Variants in DSCAML1 observed in about 807,000 individuals in gnomAD.
The protein encoded by DSCAML1 is cell adhesion molecule DSCAML1.
Under a neutral mutation model 200.5 loss-of-function variants are expected in DSCAML1, and 38 were observed. The observed-to-expected ratio is 0.19, with a 90% confidence interval of 0.15 to 0.25. The LOEUF is 0.25. Ranked by LOEUF, DSCAML1 falls within the 10% of genes least tolerant of loss-of-function variation. The probability of loss-of-function intolerance (pLI) is 1.00; values close to 1 mark genes in which losing one functional copy is unlikely to be tolerated. For synonymous variants in DSCAML1, 1,215 were observed against 1,165.0 expected, an observed-to-expected ratio of 1.04 and a Z score of -0.87; for missense variants, 2,223 against 2,858.8, an observed-to-expected ratio of 0.78 and a Z score of 5.07.
Position 117,489,244 on chromosome 11 carries a change from C to T in DSCAML1, c.2360-7082G>A, listed in dbSNP as rs984235647. On this transcript the variant is annotated intron_variant, in intron 11 of 32. Coordinates refer to ENST00000651296, the MANE Select transcript of DSCAML1 (RefSeq NM_020693.4). This position sits in a 1 kb window ranked among gnomAD's most constrained non-coding sequence, Gnocchi z 4.8. ...CTGCAGCAGGTACTCCTGGGGCAGGCAGTGGGGACTGCTGCTTTAGGGGTG... is the reference window on the plus strand; with the variant it reads ...CTGCAGCAGGTACTCCTGGGGCAGGTAGTGGGGACTGCTGCTTTAGGGGTG... 6.6e-6 allele frequency among the ~76,000 whole-genome samples: 1 copy of T among 152,176 alleles called. No individual in the cohort carries two copies. Among genetic ancestry groups the T allele is most frequent in the Non-Finnish European group, 1.5e-5 (1 of 68,028 alleles).
intron 3 of DSCAML1, among the ~76,000 whole-genome samples, chr11:117,534,171 C>G (rs1466242108): frequency 1.3e-5 from 2 of 152,216 alleles, no homozygotes; most frequent in Non-Finnish European, 2.9e-5. Context: ...GAGAGCTCTG[C>G]TCTTGTGAGG....
At chr11:117,750,021 C>T (rs1170897907) in intron 3 of DSCAML1, among the ~76,000 whole-genome samples, 2 of 152,252 alleles carry the variant, frequency 1.3e-5, no homozygotes, top group African/African-American at 2.4e-5. Context: ...ATGAAAGGCA[C>T]TGAGAAGGGT....
chr11:117,486,205 A>G (rs2049046656), intron 11 of DSCAML1, among the ~76,000 whole-genome samples: 1 of 151,938 alleles, frequency 6.6e-6, no homozygotes, highest in Admixed American at 6.6e-5. Context: ...GGGTCTGCTG[A>G]ACTCCCAAAA....
At chr11:117,757,096 A>T (rs1489340811) in intron 3 of DSCAML1, among the ~76,000 whole-genome samples, 1 of 152,198 alleles carries the variant, frequency 6.6e-6, no homozygotes, top group African/African-American at 2.4e-5. Flanking sequence ...GGAATCTCAC[A>T]AAAGCAGATT....
chr11:117,672,687 A>G (rs2053135680), intron 3 of DSCAML1, among the ~76,000 whole-genome samples: 2 of 152,180 alleles, frequency 1.3e-5, no homozygotes, highest in African/African-American at 4.8e-5. Context: ...TTTATTCAAT[A>G]CACATCACTA....
chr11:117,503,769 G>T lies in DSCAML1; in HGVS notation c.2359+76C>A. 6.8e-7 allele frequency: 1 copy of T among 1,472,534 alleles called. No homozygotes were observed. The highest frequency in any genetic ancestry group is 2.4e-5 in the East Asian group (1 of 42,304). 91.2% of individuals were successfully genotyped at this position (1,472,534 alleles called of 1,614,324 possible). A position where few individuals can be genotyped will look rare whatever the true frequency, so the allele number is the denominator to read the frequency against. On this transcript the variant is annotated intron_variant, in intron 11 of 32. Coordinates refer to ENST00000651296, the MANE Select transcript of DSCAML1 (RefSeq NM_020693.4). The surrounding 1 kb of genome is among the most constrained non-coding windows in gnomAD (Gnocchi z 5.2). The stretch of plus-strand genomic sequence containing the variant: ...AGATGAAACGACGGAGACTAAGAGA[G>T]TAGGCAGGGAGAGTGCAGAGCCGGG...
At chr11:117,564,206 T>C (rs1359177576) in intron 3 of DSCAML1, among the ~76,000 whole-genome samples, 1 of 152,250 alleles carries the variant, frequency 6.6e-6, no homozygotes, top group Admixed American at 6.5e-5. Context: ...TCCTGTTTCA[T>C]AGAAATGTAC....
At chr11:117,492,226 A>C (rs1184294218) in intron 11 of DSCAML1, among the ~76,000 whole-genome samples, 1 of 152,110 alleles carries the variant, frequency 6.6e-6, no homozygotes, top group Non-Finnish European at 1.5e-5. Context: ...ACAACCCCAG[A>C]GGCAACGGGA....
intron 12 of DSCAML1, 65 bp from the exon 13 acceptor site, chr11:117,481,335 C>A: frequency 6.6e-7 from 1 of 1,516,072 alleles, no homozygotes; most frequent in Non-Finnish European, 9.1e-7. Flanking sequence ...AGCTGGTCAG[C>A]TGAAGGGGTC....
At chr11:117,785,146 A>G (rs1214937342) in intron 1 of DSCAML1, among the ~76,000 whole-genome samples, 4 of 152,158 alleles carry the variant, frequency 2.6e-5, no homozygotes, top group East Asian at 1.9e-4. Flanking sequence ...TATCCCAGGT[A>G]TGGTGGGAGG....
rs2048513940 is a variant in DSCAML1, at chr11:117,463,129, C to T, written c.3266-1533G>A. Among the ~76,000 whole-genome samples, 1 of 152,238 alleles carries T rather than the reference C, an allele frequency of 6.6e-6. No individual in the cohort carries two copies. The highest frequency in any genetic ancestry group is 2.4e-5 in the African/African-American group (1 of 41,464). ...CCTGCATCTGCGTCACTTGTTCGTG[C>T]ATCCAGCCTTGCTCCCAAGCAAAAG... is the stretch of plus-strand genomic sequence containing the variant. On this transcript the variant is annotated intron_variant, in intron 17 of 32. Transcript: ENST00000651296. This position sits in a 1 kb window ranked among gnomAD's most constrained non-coding sequence, Gnocchi z 4.0.
intron 3 of DSCAML1, among the ~76,000 whole-genome samples, chr11:117,669,321 C>T (rs1290498262): frequency 6.6e-6 from 1 of 152,214 alleles, no homozygotes. Flanking sequence ...GACGGGCCCT[C>T]GGGCTGGCTC....
chr11:117,465,691 A>T (rs2048566715), intron 16 of DSCAML1, among the ~76,000 whole-genome samples: 1 of 151,838 alleles, frequency 6.6e-6, no homozygotes, highest in Non-Finnish European at 1.5e-5. Flanking sequence ...TTACTGTCGC[A>T]CTCTCCGTGT....
At chr11:117,527,926 C>G (rs530677351) in intron 4 of DSCAML1, among the ~76,000 whole-genome samples, 1 of 152,320 alleles carries the variant, frequency 6.6e-6, no homozygotes, top group South Asian at 2.1e-4. Context: ...CAAGTTCTGC[C>G]TGGGTCACTG....
At chr11:117,637,977 G>C (rs1464347038) in intron 3 of DSCAML1, among the ~76,000 whole-genome samples, 1 of 152,208 alleles carries the variant, frequency 6.6e-6, no homozygotes, top group Admixed American at 6.5e-5. Flanking sequence ...CCCCAGAATG[G>C]TGAGGGGACC....
intron 3 of DSCAML1, among the ~76,000 whole-genome samples, chr11:117,633,300 T>G (rs2137576455): frequency 6.6e-6 from 1 of 152,270 alleles, no homozygotes; most frequent in Admixed American, 6.5e-5. Context: ...CGCCACACCT[T>G]GGCCAGCCTG....
intron 3 of DSCAML1, among the ~76,000 whole-genome samples, chr11:117,737,899 G>C (rs560332749): frequency 7.9e-5 from 12 of 152,322 alleles, no homozygotes; most frequent in African/African-American, 2.6e-4. Flanking sequence ...TTGTGACAGC[G>C]AGTGTAGATA....
rs139393985 is a variant in DSCAML1 at position 117,560,307 on chromosome 11, C to T, written c.512-27785G>A. On this transcript the variant is annotated intron_variant, in intron 3 of 32. Transcript: ENST00000651296. ...ATCAGCACAGCAACTTCAGGAGGTG[C>T]GCCACTAAGCCCAGAGGGATGAGTT... is the stretch of plus-strand genomic sequence containing the variant. 2.6e-4 allele frequency among the ~76,000 whole-genome samples: 39 copies of T among 152,198 alleles called. No individual in the cohort carries two copies. In the East Asian group the frequency reaches 6.4e-3, roughly 25 times the overall value.
At chr11:117,432,004 C>T (rs1368195657) in intron 30 of DSCAML1, among the ~76,000 whole-genome samples, 3 of 152,144 alleles carry the variant, frequency 2.0e-5, no homozygotes, top group African/African-American at 7.2e-5. Context: ...TTTCCTGCTG[C>T]CTCCTGACTG....
Sources: allele counts gnomAD v4.1 joint callset (sites outside exome capture counted in the v4.1 genomes callset), GRCh38; gene constraint gnomAD v4.1.1; non-coding constraint Gnocchi (gnomAD v3.1); transcripts MANE v1.5; gene names NCBI Gene and HGNC (gene_info 2026-07-23, HGNC 2026-07-21).